Variants in EYS observed in about 807,000 individuals in gnomAD.
The protein encoded by EYS is EGF-like photoreceptor maintenance factor.
A neutral mutation model predicts 282.1 loss-of-function variants in EYS; 250 were observed. That is an observed-to-expected ratio of 0.89 (90% CI 0.80 to 0.98). EYS has a LOEUF of 0.98. Ranked by LOEUF, EYS falls within the 50% of genes least tolerant of loss-of-function variation. EYS has a pLI of 0.00. For missense variants in EYS, 4,016 were observed against 3,709.0 expected (o/e 1.08, Z -2.15); for synonymous variants, 1,355 against 1,282.9 (o/e 1.06, Z -1.20).
At chr6:64,640,768 C>T (rs553957801) in intron 22 of EYS, among the ~76,000 whole-genome samples, 2 of 152,008 alleles carry the variant, frequency 1.3e-5, no homozygotes, top group Non-Finnish European at 2.9e-5. Context: ...TAAATAAAAA[C>T]ATTCTTAAGC....
At chr6:65,605,927 T>G (rs1765772291) in intron 2 of EYS, among the ~76,000 whole-genome samples, 1 of 151,832 alleles carries the variant, frequency 6.6e-6, no homozygotes, top group Non-Finnish European at 1.5e-5. Flanking sequence ...CAATGTTTAC[T>G]TTCCTTTTAT....
chr6:64,417,906 A>T (rs1229309182), intron 28 of EYS, among the ~76,000 whole-genome samples: 1 of 152,268 alleles, frequency 6.6e-6, no homozygotes, highest in Admixed American at 6.5e-5. Flanking sequence ...TCCAGACCTC[A>T]AGGGATCCAC....
intron 12 of EYS, among the ~76,000 whole-genome samples, chr6:65,227,418 T>A (rs2150264737): frequency 6.6e-6 from 1 of 152,184 alleles, no homozygotes; most frequent in East Asian, 1.9e-4. Context: ...AATACACATA[T>A]AAGAACATGA....
chr6:64,502,214 C>T (rs1289197065), intron 26 of EYS, among the ~76,000 whole-genome samples: 4 of 131,174 alleles, frequency 3.0e-5, no homozygotes. Flanking sequence ...AACCAGACAG[C>T]AGGCTGGTTT....
intron 8 of EYS, among the ~76,000 whole-genome samples, chr6:65,368,436 C>A (rs2150339334): frequency 6.6e-6 from 1 of 151,622 alleles, no homozygotes; most frequent in East Asian, 1.9e-4. Flanking sequence ...TTATTGTTTG[C>A]TGCCTAGGAA....
intron 11 of EYS, among the ~76,000 whole-genome samples, chr6:65,323,589 T>G (rs1254146959): frequency 7.4e-6 from 1 of 135,644 alleles, no homozygotes; most frequent in South Asian, 2.7e-4. Context: ...ATTGGTACTG[T>G]TACCTTCATG....
At chr6:64,074,022 C>A (rs36002796) in intron 32 of EYS, among the ~76,000 whole-genome samples, 1 of 151,352 alleles carries the variant, frequency 6.6e-6, no homozygotes, top group Admixed American at 6.6e-5. Context: ...AGAAGTAATG[C>A]GGTAATAGTT....
At chr6:64,075,331 T>C (rs1214320386) in intron 32 of EYS, among the ~76,000 whole-genome samples, 1 of 151,952 alleles carries the variant, frequency 6.6e-6, no homozygotes, top group Non-Finnish European at 1.5e-5. Flanking sequence ...TGAAGGATCA[T>C]GGCAGCAGCC....
In EYS at chr6:64,886,598, A is replaced by G; in HGVS notation, c.2992+99T>C. Reference sequence around the variant, plus strand: ...CTCTTGACATTTTTGCCCTGTTTGCATCTGGCAGATTATTTCAGGTTTTGG... The same window carrying G: ...CTCTTGACATTTTTGCCCTGTTTGCGTCTGGCAGATTATTTCAGGTTTTGG... On this transcript the variant is annotated intron_variant, in intron 19 of 42. Coordinates refer to ENST00000503581, the MANE Select transcript of EYS (RefSeq NM_001142800.2). The G allele has an allele frequency of 6.3e-6, 6 of 958,696 alleles. No individual in the cohort carries two copies. In the East Asian group the frequency reaches 1.9e-4, roughly 31 times the overall value. 59.4% of individuals were successfully genotyped at this position (958,696 alleles called of 1,614,324 possible).
chr6:64,825,356 T>A (rs1330873259), intron 19 of EYS, among the ~76,000 whole-genome samples: 1 of 151,894 alleles, frequency 6.6e-6, no homozygotes, highest in Admixed American at 6.6e-5. Context: ...CTTTTTTTTC[T>A]TTTTCTCTCT....
chr6:64,512,412 G>C (rs1277842755), intron 26 of EYS, among the ~76,000 whole-genome samples: 1 of 151,946 alleles, frequency 6.6e-6, no homozygotes, highest in Non-Finnish European at 1.5e-5. Flanking sequence ...GCAAAATTAG[G>C]CTGAGGAAAG....
Position 63,976,219 on chromosome 6 carries a change from C to T in EYS, c.7055+8164G>A, listed in dbSNP as rs140641385. 5.7e-3 allele frequency among the ~76,000 whole-genome samples: 862 copies of T among 151,990 alleles called. 11 individuals are homozygous for T. Among genetic ancestry groups the T allele is most frequent in the African/African-American group, 0.019 (808 of 41,494 alleles). ...CAAATGTAAAGGGCTAAAATACTAC[C>T]GTATATTACCGTAGACTTTATAAAT... On this transcript the variant is annotated intron_variant, in intron 35 of 42. Transcript: ENST00000503581.
chr6:63,880,387 C>T (rs1391288022), intron 35 of EYS, among the ~76,000 whole-genome samples: 2 of 152,038 alleles, frequency 1.3e-5, no homozygotes, highest in African/African-American at 4.8e-5. Flanking sequence ...GCTCCTCAAG[C>T]TTGCAGACAG....
At chr6:65,003,946 A>C (rs1049843846) in intron 13 of EYS, among the ~76,000 whole-genome samples, 2 of 147,396 alleles carry the variant, frequency 1.4e-5, no homozygotes, top group African/African-American at 4.9e-5. Flanking sequence ...TACCCATTTT[A>C]GGCATGTTCT....
At chr6:64,263,213 CTT>C (rs771598683) in intron 30 of EYS, among the ~76,000 whole-genome samples, 2 of 152,048 alleles carry the variant, frequency 1.3e-5, no homozygotes, top group Non-Finnish European at 2.9e-5. Context: ...TGTCATCTCT[CTT>C]ATTTCTTTTT....
chr6:65,584,325 T>A lies in EYS; in HGVS notation c.-333+55453A>T, dbSNP rs567007716. Among the ~76,000 whole-genome samples, 7 of 152,158 alleles carry A rather than the reference T, an allele frequency of 4.6e-5. No homozygotes were observed. In the East Asian group the frequency reaches 1.4e-3, roughly 29 times the overall value. On this transcript the variant is annotated intron_variant, in intron 2 of 42. Coordinates refer to ENST00000503581, the MANE Select transcript of EYS (RefSeq NM_001142800.2). The stretch of plus-strand genomic sequence containing the variant: ...GGCGTTAGGGCTGGCAATACTGGCA[T>A]CTACTAGGTAAAATGGAACAGGAGA...
intron 22 of EYS, among the ~76,000 whole-genome samples, chr6:64,677,807 A>G (rs1769747239): frequency 6.6e-6 from 1 of 152,110 alleles, no homozygotes; most frequent in African/African-American, 2.4e-5. Flanking sequence ...TCATCAAATC[A>G]ATATGAACTA....
intron 30 of EYS, among the ~76,000 whole-genome samples, chr6:64,239,098 C>G (rs1484023256): frequency 6.6e-6 from 1 of 152,210 alleles, no homozygotes; most frequent in East Asian, 1.9e-4. Flanking sequence ...TTTTTTATGG[C>G]TGCATTGTAT....
intron 15 of EYS, among the ~76,000 whole-genome samples, chr6:64,939,172 A>G (rs1200053918): frequency 1.3e-5 from 2 of 151,870 alleles, no homozygotes; most frequent in East Asian, 1.9e-4. Context: ...ATATGAATAT[A>G]ATGTTCATAT....
Sources: allele counts gnomAD v4.1 joint callset (sites outside exome capture counted in the v4.1 genomes callset), GRCh38; gene constraint gnomAD v4.1.1; transcripts MANE v1.5; gene names NCBI Gene and HGNC (gene_info 2026-07-23, HGNC 2026-07-21).